Variants in ARHGAP15 observed in about 807,000 individuals in gnomAD.
ARHGAP15 encodes the protein Rho GTPase activating protein 15.
A neutral mutation model predicts 63.7 loss-of-function variants in ARHGAP15; 51 were observed. That is an observed-to-expected ratio of 0.80 (90% CI 0.64 to 1.01). ARHGAP15 has a LOEUF of 1.01. Among genes scored for constraint, ARHGAP15 ranks in the 50% least tolerant of loss-of-function variants. ARHGAP15 has a pLI of 0.00. For synonymous variants in ARHGAP15, 191 were observed against 193.8 expected, an observed-to-expected ratio of 0.99 and a Z score of 0.12; for missense variants, 560 against 564.6, an observed-to-expected ratio of 0.99 and a Z score of 0.08.
intron 11 of ARHGAP15, among the ~76,000 whole-genome samples, chr2:143,564,596 C>G (rs1037682098): frequency 6.6e-6 from 1 of 152,090 alleles, no homozygotes; most frequent in Non-Finnish European, 1.5e-5. Flanking sequence ...GGAGACATGA[C>G]TTACCAAGAC....
At chr2:143,132,909 G>A (rs1401054612) in intron 1 of ARHGAP15, among the ~76,000 whole-genome samples, 1 of 151,948 alleles carries the variant, frequency 6.6e-6, no homozygotes, top group Non-Finnish European at 1.5e-5. Context: ...AACAGCTACT[G>A]TATGTTTGAC....
intron 6 of ARHGAP15, among the ~76,000 whole-genome samples, chr2:143,394,607 G>GA (rs1318001761): frequency 6.6e-6 from 1 of 152,124 alleles, no homozygotes; most frequent in African/African-American, 2.4e-5. Context: ...TCTACCTGCG[G>GA]AAAACAACAG....
rs1358724450 is a variant in ARHGAP15, at chr2:143,519,276, TG to T, written c.839del (p.Gly280AlafsTer19). On this transcript the variant is annotated frameshift_variant, in exon 10 of 14. Coordinates refer to ENST00000295095, the MANE Select transcript of ARHGAP15 (RefSeq NM_018460.4). LOFTEE classifies it high-confidence loss of function. ...TTGTTTCTTTTGCAGATCAAATTTT[TG>T]GCTCTCATCTGCACAAAGTGTGTGA... ...EKGLIKDQIF[G>X]SHLHKVCERE... The T allele has an allele frequency of 3.1e-6, 5 of 1,612,530 alleles. No homozygotes were observed. The highest frequency in any genetic ancestry group is 1.7e-5 in the Admixed American group (1 of 59,968).
chr2:143,325,259 A>G (rs1375980371), intron 6 of ARHGAP15, among the ~76,000 whole-genome samples: 3 of 152,278 alleles, frequency 2.0e-5, no homozygotes, highest in African/African-American at 7.2e-5. Flanking sequence ...ATTATAAATG[A>G]AGAATAATCA....
chr2:143,356,913 C>A (rs1219089463), intron 6 of ARHGAP15, among the ~76,000 whole-genome samples: 2 of 152,182 alleles, frequency 1.3e-5, no homozygotes, highest in African/African-American at 4.8e-5. Flanking sequence ...ACCCCTGACA[C>A]GCCATCCGTC....
intron 6 of ARHGAP15, among the ~76,000 whole-genome samples, chr2:143,358,663 A>C (rs1438280711): frequency 6.6e-6 from 1 of 151,492 alleles, no homozygotes; most frequent in South Asian, 2.1e-4. Flanking sequence ...TTTTCCTTCT[A>C]TAAGGAAATA....
At chr2:143,496,861 G>A (rs1692838624) in intron 9 of ARHGAP15, among the ~76,000 whole-genome samples, 1 of 152,154 alleles carries the variant, frequency 6.6e-6, no homozygotes. Flanking sequence ...TTTAGCCAAT[G>A]ACCCCTAAAA....
intron 6 of ARHGAP15, among the ~76,000 whole-genome samples, chr2:143,326,852 C>A (rs1365424187): frequency 1.3e-5 from 2 of 152,136 alleles, no homozygotes; most frequent in Non-Finnish European, 2.9e-5. Flanking sequence ...AAAACTGGCA[C>A]AAGACAAGGA....
At chr2:143,668,076 T>C (rs1197230344) in intron 12 of ARHGAP15, among the ~76,000 whole-genome samples, 1 of 151,460 alleles carries the variant, frequency 6.6e-6, no homozygotes, top group African/African-American at 2.4e-5. Context: ...GGAGAAAGGG[T>C]TGAAGCATGT....
chr2:143,671,097 A>C (rs138183463), intron 12 of ARHGAP15, among the ~76,000 whole-genome samples: 6 of 152,228 alleles, frequency 3.9e-5, no homozygotes, highest in African/African-American at 1.4e-4. Flanking sequence ...AACATAGTCT[A>C]TGTAACTAGT....
At chr2:143,651,388 CTGT>C (rs1456185394) in intron 12 of ARHGAP15, among the ~76,000 whole-genome samples, 2 of 151,888 alleles carry the variant, frequency 1.3e-5, no homozygotes, top group South Asian at 2.1e-4. Flanking sequence ...TTCATTAATG[CTGT>C]TGTTGTGTAT....
chr2:143,488,157 A>G (rs1203952296), intron 9 of ARHGAP15, among the ~76,000 whole-genome samples: 3 of 152,240 alleles, frequency 2.0e-5, no homozygotes, highest in African/African-American at 7.2e-5. Context: ...GACATTGATC[A>G]AGTTATGATC....
chr2:143,346,027 A>G (rs1685258500), intron 6 of ARHGAP15, among the ~76,000 whole-genome samples: 1 of 152,026 alleles, frequency 6.6e-6, no homozygotes, highest in South Asian at 2.1e-4. Flanking sequence ...TGATTGTACA[A>G]TCTGCTACCC....
chr2:143,318,409 G>T (rs182822758), intron 6 of ARHGAP15, among the ~76,000 whole-genome samples: 42 of 151,448 alleles, frequency 2.8e-4, no homozygotes, highest in African/African-American at 9.9e-4. Flanking sequence ...GTTGATTTAA[G>T]GCTCAAATGA....
chr2:143,379,357 A>ATG (rs577452155), intron 6 of ARHGAP15, among the ~76,000 whole-genome samples: 4 of 151,518 alleles, frequency 2.6e-5, no homozygotes, highest in Non-Finnish European at 5.9e-5. Context: ...ATATATATAT[A>ATG]TGTGTGTGTG....
intron 2 of ARHGAP15, among the ~76,000 whole-genome samples, chr2:143,162,939 T>C (rs775905003): frequency 2.0e-4 from 30 of 152,106 alleles, no homozygotes; most frequent in Admixed American, 3.3e-4. Context: ...AGCTAGAAAA[T>C]GGTGTTTACC....
chr2:143,394,112 C>T (rs752816576), intron 6 of ARHGAP15, among the ~76,000 whole-genome samples: 28 of 152,186 alleles, frequency 1.8e-4, no homozygotes, highest in Non-Finnish European at 4.0e-4. Flanking sequence ...GCCTACAATA[C>T]ATACAATGAC....
intron 6 of ARHGAP15, among the ~76,000 whole-genome samples, chr2:143,363,486 C>CTCTG (rs1491168641): frequency 6.6e-6 from 1 of 152,140 alleles, no homozygotes; most frequent in Non-Finnish European, 1.5e-5. Context: ...CAGAGCAAGA[C>CTCTG]TCTGTCTTCA....
chr2:143,241,211 A>G (rs1192374509), intron 5 of ARHGAP15, among the ~76,000 whole-genome samples: 1 of 152,208 alleles, frequency 6.6e-6, no homozygotes, highest in African/African-American at 2.4e-5. Flanking sequence ...GTATCACATT[A>G]GGTAGAAACA....
Sources: gnomAD v4.1 joint callset for allele counts (sites outside exome capture counted in the v4.1 genomes callset) on GRCh38, gnomAD v4.1.1 for gene constraint, MANE v1.5 for transcripts, NCBI Gene and HGNC (gene_info 2026-07-23, HGNC 2026-07-21) for gene names.